IFT43: variants seen among roughly 807,000 people sequenced by gnomAD.
The protein encoded by IFT43 is intraflagellar transport protein 43 homolog.
Under a neutral mutation model 32.3 loss-of-function variants are expected in IFT43, and 33 were observed. That is an observed-to-expected ratio of 1.02 (90% CI 0.77 to 1.37). IFT43 has a LOEUF of 1.37. Ranked by LOEUF, IFT43 falls within the 40% of genes most tolerant of loss-of-function variation. The pLI, the probability that IFT43 is intolerant of heterozygous loss-of-function variation, is 0.00. For synonymous variants in IFT43, 93 were observed against 98.2 expected (o/e 0.95, Z 0.31); for missense variants, 274 against 265.9 (o/e 1.03, Z -0.21).
chr14:76,057,147 G>T (rs1283030962), intron 3 of IFT43, among the ~76,000 whole-genome samples: 1 of 152,126 alleles, frequency 6.6e-6, no homozygotes, highest in African/African-American at 2.4e-5. Flanking sequence ...TTTAAAAATG[G>T]TACAGTTGAT....
intron 3 of IFT43, among the ~76,000 whole-genome samples, chr14:76,054,609 T>G (rs749566873): frequency 1.3e-5 from 2 of 152,248 alleles, no homozygotes; most frequent in African/African-American, 2.4e-5. Flanking sequence ...TTTGTAGATG[T>G]GAATATCTTT....
At chr14:76,056,091 A>C (rs985389304) in intron 3 of IFT43, among the ~76,000 whole-genome samples, 1 of 152,224 alleles carries the variant, frequency 6.6e-6, no homozygotes, top group Admixed American at 6.5e-5. Context: ...ACAGAACAAA[A>C]CAAAAAATAG....
intron 2 of IFT43, among the ~76,000 whole-genome samples, chr14:76,011,147 T>C (rs1175798447): frequency 6.6e-6 from 1 of 152,126 alleles, no homozygotes; most frequent in Non-Finnish European, 1.5e-5. Flanking sequence ...TGGCCTCAAG[T>C]GATCCTTCTG....
intron 2 of IFT43, among the ~76,000 whole-genome samples, chr14:76,012,642 T>C (rs1200639409): frequency 6.6e-6 from 1 of 152,252 alleles, no homozygotes; most frequent in Non-Finnish European, 1.5e-5. Context: ...CAGGCTGTGC[T>C]CATTTCCCAC....
At chr14:76,057,348 C>T (rs1336771489) in intron 3 of IFT43, among the ~76,000 whole-genome samples, 1 of 152,076 alleles carries the variant, frequency 6.6e-6, no homozygotes, top group African/African-American at 2.4e-5. Context: ...TCTCCTGTCT[C>T]AGCCTCTGAG....
intron 3 of IFT43, chr14:76,058,421 C>G (rs979530357): frequency 2.6e-5 from 13 of 496,998 alleles, no homozygotes; most frequent in Non-Finnish European, 4.0e-5. Flanking sequence ...TCTCAACAAT[C>G]CAATTTGGAG....
At chr14:76,071,996 G>A (rs1179623784) in intron 5 of IFT43, among the ~76,000 whole-genome samples, 2 of 152,048 alleles carry the variant, frequency 1.3e-5, no homozygotes, top group Non-Finnish European at 2.9e-5. Context: ...CTCCCCCATC[G>A]CGATTCTCAG....
At position 75,997,177 on chromosome 14, in the gene IFT43, CAA is replaced by C. The variant is rs200439232; in HGVS notation, c.147+8201_147+8202del. Among the ~76,000 whole-genome samples, 105 of 146,788 alleles carry C rather than the reference CAA, an allele frequency of 7.2e-4. 1 individual carries two copies. The highest frequency in any genetic ancestry group is 2.3e-3 in the African/African-American group (84 of 36,502). Reference sequence around the variant, plus strand: ...AAGAGTGTGAGCCAAGTTCTGGAGACAAGAGAGAGAGCATGGCATGGTGGATT... The same window carrying C: ...AAGAGTGTGAGCCAAGTTCTGGAGACGAGAGAGAGCATGGCATGGTGGATT... On this transcript the variant is annotated intron_variant, in intron 2 of 8. Transcript: ENST00000314067.
chr14:76,020,846 G>A (rs1312382322), intron 2 of IFT43, among the ~76,000 whole-genome samples: 1 of 152,196 alleles, frequency 6.6e-6, no homozygotes, highest in Non-Finnish European at 1.5e-5. Flanking sequence ...TAGGCCTCCA[G>A]TGCCTTGCTC....
At chr14:76,061,231 G>A (rs1018855905) in intron 5 of IFT43, among the ~76,000 whole-genome samples, 3 of 151,556 alleles carry the variant, frequency 2.0e-5, no homozygotes, top group Non-Finnish European at 4.4e-5. Context: ...TTGTTCCCCT[G>A]TATGTAATGT....
At chr14:76,034,826 C>T (rs1179532679) in intron 3 of IFT43, among the ~76,000 whole-genome samples, 2 of 152,204 alleles carry the variant, frequency 1.3e-5, no homozygotes, top group African/African-American at 2.4e-5. Flanking sequence ...TTCCCCTTGG[C>T]GTCAGAGTCA....
intron 3 of IFT43, among the ~76,000 whole-genome samples, chr14:76,035,867 A>G (rs578142652): frequency 5.3e-5 from 8 of 152,368 alleles, no homozygotes; most frequent in Non-Finnish European, 1.2e-4. Flanking sequence ...ACCTGTGGCC[A>G]TGAGAAGTCT....
chr14:76,024,600 CA>C (rs1177694848), intron 3 of IFT43, among the ~76,000 whole-genome samples: 5 of 152,188 alleles, frequency 3.3e-5, no homozygotes, highest in Admixed American at 2.6e-4. Context: ...CTTGTTGCTG[CA>C]ATTAAGTTAT....
At chr14:76,066,659 A>T (rs1232105549) in intron 5 of IFT43, among the ~76,000 whole-genome samples, 3 of 152,208 alleles carry the variant, frequency 2.0e-5, no homozygotes, top group Non-Finnish European at 4.4e-5. Flanking sequence ...CAATGACATT[A>T]AGCAGATCTT....
At chr14:76,072,654 C>T (rs1263871019) in intron 5 of IFT43, among the ~76,000 whole-genome samples, 2 of 152,182 alleles carry the variant, frequency 1.3e-5, no homozygotes, top group Admixed American at 1.3e-4. Context: ...AGAGAGAAAG[C>T]TCTGTCAGCA....
intron 3 of IFT43, among the ~76,000 whole-genome samples, chr14:76,028,428 G>A (rs1159783575): frequency 4.6e-5 from 7 of 151,588 alleles, no homozygotes; most frequent in Non-Finnish European, 8.8e-5. Context: ...TTTTTCTATT[G>A]CTTTCTGTCT....
At chr14:75,999,251 ATATATATATATATATATATATG>A (rs1367598240) in intron 2 of IFT43, among the ~76,000 whole-genome samples, 17 of 15,222 alleles carry the variant, frequency 1.1e-3, no homozygotes, top group African/African-American at 3.6e-3. Context: ...ATATATATAT[ATATATATATATATATATATATG>A]TATATATATT....
intron 5 of IFT43, among the ~76,000 whole-genome samples, chr14:76,079,456 T>C (rs984459522): frequency 5.3e-5 from 8 of 152,158 alleles, no homozygotes; most frequent in African/African-American, 1.9e-4. Context: ...CTTCATTTTA[T>C]TGATGAAGAA....
At chr14:76,009,768 C>G (rs114594659) in intron 2 of IFT43, among the ~76,000 whole-genome samples, 2,026 of 151,618 alleles carry the variant, frequency 0.013, 49 homozygotes, top group African/African-American at 0.042. Flanking sequence ...GACTAGAAGC[C>G]AGAAGCCAGA....
Sources: gnomAD v4.1 joint callset for allele counts (sites outside exome capture counted in the v4.1 genomes callset) on GRCh38, gnomAD v4.1.1 for gene constraint, MANE v1.5 for transcripts, NCBI Gene and HGNC (gene_info 2026-07-23, HGNC 2026-07-21) for gene names.